Variants in EPS15 observed in about 807,000 individuals in gnomAD.
EPS15 encodes the protein epidermal growth factor receptor substrate 15.
A neutral mutation model predicts 113.8 loss-of-function variants in EPS15; 72 were observed. The observed-to-expected ratio is 0.63, with a 90% CI of 0.52 to 0.77. EPS15 has a LOEUF of 0.77. EPS15 is among the 30% of genes least tolerant of loss of function. EPS15 has a pLI of 0.00. For missense variants in EPS15, 1,048 were observed against 1,045.8 expected (o/e 1.00, Z -0.03); for synonymous variants, 344 against 363.4 (o/e 0.95, Z 0.61).
chr1:51,365,324 T>A (rs1646485154), intron 22 of EPS15, among the ~76,000 whole-genome samples: 1 of 152,180 alleles, frequency 6.6e-6, no homozygotes, highest in African/African-American at 2.4e-5. Context: ...ATCCCTCATC[T>A]CTATCCACTA....
intron 2 of EPS15, among the ~76,000 whole-genome samples, chr1:51,479,044 AAG>A (rs1557509298): frequency 6.6e-6 from 1 of 152,160 alleles, no homozygotes. Flanking sequence ...TAATATCCTG[AAG>A]AGTGTTTTCC....
Position 51,363,970 on chromosome 1 carries a change from A to T in EPS15, c.2255T>A (p.Ile752Asn), listed in dbSNP as rs1184399897. The T allele has an allele frequency of 6.2e-7, 1 of 1,613,996 alleles. No homozygotes were observed. Among genetic ancestry groups the T allele is most frequent in the South Asian group, 1.1e-5 (1 of 91,042 alleles). The change falls in exon 23 of 25, where the codon ATT becomes AAT. Residue 752 changes from isoleucine to asparagine, a missense_variant. Ile to Asn is a moderately radical substitution (Grantham distance 149, BLOSUM62 -3). Transcript: ENST00000371733. ...ATSSSVSNVV[I>N]TKNVFEETSV... Reference sequence around the variant, plus strand: ...TGTTTCCTCAAATACATTTTTTGTAATCACTACGTTGCTGACAGAGCTCGA... The same window carrying T: ...TGTTTCCTCAAATACATTTTTTGTATTCACTACGTTGCTGACAGAGCTCGA...
intron 8 of EPS15, chr1:51,458,497 G>C (rs928205223): frequency 2.3e-6 from 1 of 431,368 alleles, no homozygotes; most frequent in East Asian, 7.8e-5. Flanking sequence ...GGCACTTTGG[G>C]AGGCCGAGGC....
chr1:51,402,473 G>T lies in EPS15; in HGVS notation c.1844C>A (p.Thr615Lys). The T allele has an allele frequency of 6.3e-7, 1 of 1,591,028 alleles. No individual in the cohort carries two copies. The highest frequency in any genetic ancestry group is 8.6e-7 in the Non-Finnish European group (1 of 1,165,460). ...SSSLTGPVAD[T>K]NLDFFQSDPF... Reference sequence around the variant, plus strand: ...ATCAGACTGGAAAAAATCCAAGTTTGTATCTGCAACTGGACCTGTCAGCGA... The same window carrying T: ...ATCAGACTGGAAAAAATCCAAGTTTTTATCTGCAACTGGACCTGTCAGCGA... Residue 615 changes from threonine (T) to lysine (K), a missense_variant, in exon 18 of 25, where the codon ACA (threonine) becomes AAA (lysine). Transcript: ENST00000371733.
At chr1:51,492,023 A>T (rs1247577641) in intron 1 of EPS15, among the ~76,000 whole-genome samples, 1 of 151,702 alleles carries the variant, frequency 6.6e-6, no homozygotes, top group Admixed American at 6.6e-5. Flanking sequence ...TAATTTTTGT[A>T]TTTTTTGTAG....
chr1:51,499,091 A>C (rs1644372409), intron 1 of EPS15, among the ~76,000 whole-genome samples: 1 of 152,254 alleles, frequency 6.6e-6, no homozygotes, highest in Non-Finnish European at 1.5e-5. Flanking sequence ...AAAGCAGTCC[A>C]CATCAGACAC....
intron 21 of EPS15, among the ~76,000 whole-genome samples, chr1:51,378,284 C>A (rs563548015): frequency 1.3e-5 from 2 of 151,854 alleles, no homozygotes; most frequent in Non-Finnish European, 2.9e-5. Flanking sequence ...ACTTAATAGA[C>A]CAGAGTATAG....
In EPS15 at chr1:51,508,216, A is replaced by AG. The variant is rs761557356; in HGVS notation, c.33+10982_33+10983insC. Among the ~76,000 whole-genome samples, 354 of 129,948 alleles carry AG rather than the reference A, an allele frequency of 2.7e-3. 3 individuals are homozygous for AG. Among genetic ancestry groups the AG allele is most frequent in the African/African-American group, 9.9e-3 (326 of 33,038 alleles). The allele number at this position is 129,948 out of a possible 152,430, so 85.3% of individuals were successfully genotyped here. A position where few individuals can be genotyped will look rare whatever the true frequency, so the allele number is the denominator to read the frequency against. ...AAGAAAAGAAAAGAAAAGAAAAGAA[A>AG]AGAAAAGAAAAGAAAAGAAAAGAAA... On this transcript the variant is annotated intron_variant, in intron 1 of 24. Coordinates refer to ENST00000371733, the MANE Select transcript of EPS15 (RefSeq NM_001981.3).
intron 1 of EPS15, among the ~76,000 whole-genome samples, chr1:51,489,138 T>C (rs1424091614): frequency 1.4e-5 from 2 of 144,214 alleles, no homozygotes; most frequent in African/African-American, 5.2e-5. Context: ...TCCTAACTAA[T>C]GTAAAAAAAA....
chr1:51,365,883 T>C (rs1358393588), intron 22 of EPS15, 70 bp downstream of exon 22: 10 of 1,052,258 alleles, frequency 9.5e-6, no homozygotes, highest in South Asian at 9.0e-5. Flanking sequence ...GACTATATAA[T>C]TGAAAGGAGG....
At chr1:51,405,150 T>C (rs1648973904) in intron 16 of EPS15, among the ~76,000 whole-genome samples, 2 of 152,196 alleles carry the variant, frequency 1.3e-5, no homozygotes, top group Non-Finnish European at 2.9e-5. Context: ...GCGCTTCCTT[T>C]AGCACAGCCC....
intron 1 of EPS15, among the ~76,000 whole-genome samples, chr1:51,486,552 G>C (rs1313909540): frequency 6.6e-6 from 1 of 152,032 alleles, no homozygotes; most frequent in Non-Finnish European, 1.5e-5. Flanking sequence ...CTTGTGACTA[G>C]ATTGGACAAT....
intron 21 of EPS15, among the ~76,000 whole-genome samples, chr1:51,368,542 T>C (rs886795772): frequency 3.9e-5 from 6 of 152,104 alleles, no homozygotes; most frequent in African/African-American, 1.4e-4. Flanking sequence ...TCATCATAGG[T>C]AGTTTCAGGG....
chr1:51,420,225 G>C (rs1204007015), intron 13 of EPS15, among the ~76,000 whole-genome samples: 2 of 152,140 alleles, frequency 1.3e-5, no homozygotes, highest in Admixed American at 1.3e-4. Context: ...AAATTCTGAT[G>C]GACAACAAAA....
chr1:51,395,543 T>C (rs1002997929), intron 20 of EPS15, among the ~76,000 whole-genome samples: 5 of 151,882 alleles, frequency 3.3e-5, no homozygotes, highest in African/African-American at 1.2e-4. Context: ...CACACACATA[T>C]ACACAAAGAT....
chr1:51,391,383 G>A (rs1475752108), intron 21 of EPS15, among the ~76,000 whole-genome samples: 2 of 151,904 alleles, frequency 1.3e-5, no homozygotes, highest in Admixed American at 6.6e-5. Context: ...GTTAATGGGT[G>A]CAGCACACCA....
intron 8 of EPS15, 149 bp from the exon 9 acceptor site, chr1:51,448,284 G>A (rs1653237280): frequency 2.2e-6 from 1 of 454,486 alleles, no homozygotes; most frequent in Non-Finnish European, 4.0e-6. Context: ...GGAAAATGAG[G>A]GAGGGATGAA....
chr1:51,369,502 C>T (rs1570101132), intron 21 of EPS15, among the ~76,000 whole-genome samples: 1 of 152,178 alleles, frequency 6.6e-6, no homozygotes, highest in African/African-American at 2.4e-5. Context: ...ACCGCCTTTC[C>T]CCAAAGAATA....
intron 8 of EPS15, among the ~76,000 whole-genome samples, chr1:51,459,609 G>T (rs1449545390): frequency 1.3e-5 from 2 of 151,966 alleles, no homozygotes; most frequent in African/African-American, 4.8e-5. Context: ...GTAAAAGCAG[G>T]TCATAAACTT....
Sources: gnomAD v4.1 joint callset for allele counts (sites outside exome capture counted in the v4.1 genomes callset) on GRCh38, gnomAD v4.1.1 for gene constraint, MANE v1.5 for transcripts, NCBI Gene and HGNC (gene_info 2026-07-23, HGNC 2026-07-21) for gene names.